The following EYS variants were observed in gnomAD, a reference collection of about 807,000 sequenced individuals.
The protein encoded by EYS is protein eyes shut homolog.
EYS carries 250 observed loss-of-function variants against 282.1 expected under a neutral mutation model. The ratio of observed to expected loss-of-function variants is 0.89; its 90% CI spans 0.80 to 0.98. The LOEUF (loss-of-function observed/expected upper bound fraction) is 0.98. Among genes scored for constraint, EYS ranks in the 50% least tolerant of loss-of-function variants. The pLI is 0.00. For missense variants in EYS, 4,016 were observed against 3,709.0 expected (o/e 1.08, Z -2.15); for synonymous variants, 1,355 against 1,282.9 (o/e 1.06, Z -1.20).
At chr6:64,649,958 A>G (rs982463313) in intron 22 of EYS, among the ~76,000 whole-genome samples, 2 of 152,124 alleles carry the variant, frequency 1.3e-5, no homozygotes, top group African/African-American at 4.8e-5. Flanking sequence ...GCCTCAAAGA[A>G]ATTTTAATAA....
In EYS at chr6:64,948,481, A is replaced by C. The variant is rs1469134076; in HGVS notation, c.2260-2567T>G. Among the ~76,000 whole-genome samples, 4 of 147,000 alleles carry C rather than the reference A, an allele frequency of 2.7e-5. No homozygotes were observed. In the East Asian group the frequency reaches 7.8e-4, roughly 29 times the overall value. On this transcript the variant is annotated intron_variant, in intron 14 of 42. Transcript: ENST00000503581. ...TATTATTAAATATTAAATATTAATAACTATTAAATATTTTAATATTAATTA... is the reference window on the plus strand; with the variant it reads ...TATTATTAAATATTAAATATTAATACCTATTAAATATTTTAATATTAATTA...
At chr6:64,330,473 A>C (rs1770598855) in intron 29 of EYS, among the ~76,000 whole-genome samples, 1 of 152,220 alleles carries the variant, frequency 6.6e-6, no homozygotes, top group Non-Finnish European at 1.5e-5. Context: ...AAAGAAATCA[A>C]GAAGGCCTTG....
chr6:64,886,108 T>A (rs1767076631), intron 19 of EYS, among the ~76,000 whole-genome samples: 1 of 151,928 alleles, frequency 6.6e-6, no homozygotes, highest in Non-Finnish European at 1.5e-5. Context: ...AATACTAGTA[T>A]GCCAAAACTA....
chr6:64,129,145 C>G (rs537909766), intron 31 of EYS, among the ~76,000 whole-genome samples: 1 of 152,224 alleles, frequency 6.6e-6, no homozygotes, highest in South Asian at 2.1e-4. Context: ...GGTTGTATGG[C>G]CTATAATTTA....
rs916666877 is a variant in EYS at position 64,064,606 on chromosome 6, T to C, written c.6725+1732A>G. 3.3e-5 allele frequency among the ~76,000 whole-genome samples: 5 copies of C among 152,318 alleles called. 1 individual carries two copies. The South Asian group carries it at 1.0e-3, about 32-fold the overall frequency. On this transcript the variant is annotated intron_variant, in intron 33 of 42. Coordinates refer to ENST00000503581, the MANE Select transcript of EYS (RefSeq NM_001142800.2). Reference sequence around the variant, plus strand: ...CTTGGAAAGTCCTTTTCAGTTTTACTGGAAGCATCAATATTTATTTTACAG... The same window carrying C: ...CTTGGAAAGTCCTTTTCAGTTTTACCGGAAGCATCAATATTTATTTTACAG...
intron 35 of EYS, among the ~76,000 whole-genome samples, chr6:63,897,411 A>C (rs966397937): frequency 5.3e-5 from 8 of 152,180 alleles, no homozygotes; most frequent in Non-Finnish European, 8.8e-5. Flanking sequence ...GGATCCTTGT[A>C]AGGGAGAGAC....
chr6:65,602,607 C>T (rs1765650630), intron 2 of EYS, among the ~76,000 whole-genome samples: 1 of 151,748 alleles, frequency 6.6e-6, no homozygotes, highest in African/African-American at 2.4e-5. Flanking sequence ...AAATGCTGGC[C>T]TTTGTGGTAC....
At chr6:65,386,035 C>T (rs1345967279) in intron 7 of EYS, among the ~76,000 whole-genome samples, 1 of 151,896 alleles carries the variant, frequency 6.6e-6, no homozygotes. Context: ...CTTTGTGTTG[C>T]AGTTTCCAAA....
chr6:65,215,484 T>G (rs926886147), intron 12 of EYS, among the ~76,000 whole-genome samples: 2 of 152,140 alleles, frequency 1.3e-5, no homozygotes, highest in African/African-American at 4.8e-5. Flanking sequence ...AAGGAGCAAA[T>G]AAAATGGTTT....
At chr6:65,561,161 A>T (rs745496743) in intron 2 of EYS, among the ~76,000 whole-genome samples, 6 of 152,132 alleles carry the variant, frequency 3.9e-5, no homozygotes, top group Non-Finnish European at 7.4e-5. Context: ...CCCCAGTGGC[A>T]TTTATTTTTC....
intron 12 of EYS, among the ~76,000 whole-genome samples, chr6:65,213,517 G>A (rs1766227595): frequency 1.3e-5 from 2 of 152,032 alleles, no homozygotes; most frequent in South Asian, 4.2e-4. Context: ...TGACGGCTGG[G>A]CAATTCTCAC....
intron 2 of EYS, among the ~76,000 whole-genome samples, chr6:65,514,929 A>C (rs1475594053): frequency 5.3e-5 from 8 of 152,190 alleles, no homozygotes; most frequent in Non-Finnish European, 1.2e-4. Flanking sequence ...CAAAAGCCAA[A>C]ATTGACAAAT....
At chr6:64,999,750 C>T (rs1458950177) in intron 13 of EYS, among the ~76,000 whole-genome samples, 1 of 152,158 alleles carries the variant, frequency 6.6e-6, no homozygotes, top group Non-Finnish European at 1.5e-5. Context: ...GGCTGCACAT[C>T]AGGAGGAACG....
chr6:64,733,809 A>C (rs1000034248), intron 22 of EYS: 1 of 164,644 alleles, frequency 6.1e-6, no homozygotes, highest in Non-Finnish European at 1.3e-5. Context: ...GGTAGCCAGC[A>C]CGCTTATGGC....
At chr6:63,751,840 C>G (rs1345635835) in intron 41 of EYS, among the ~76,000 whole-genome samples, 2 of 152,216 alleles carry the variant, frequency 1.3e-5, no homozygotes, top group Non-Finnish European at 2.9e-5. Flanking sequence ...TAATGCTGAA[C>G]AACTCTACTT....
At chr6:64,112,988 T>G (rs2150267661) in intron 31 of EYS, among the ~76,000 whole-genome samples, 1 of 151,980 alleles carries the variant, frequency 6.6e-6, no homozygotes, top group Non-Finnish European at 1.5e-5. Context: ...CAATGTAGAG[T>G]TCTGTAATTA....
chr6:64,651,366 G>T (rs1211459037), intron 22 of EYS, among the ~76,000 whole-genome samples: 1 of 152,114 alleles, frequency 6.6e-6, no homozygotes, highest in African/African-American at 2.4e-5. Context: ...AATTATGTTT[G>T]TTTTTGTTTT....
intron 26 of EYS, among the ~76,000 whole-genome samples, chr6:64,509,342 C>T (rs1364811087): frequency 6.6e-6 from 1 of 152,092 alleles, no homozygotes; most frequent in Non-Finnish European, 1.5e-5. Context: ...TAGATGATCT[C>T]TTGATATGTA....
chr6:65,023,775 T>C (rs944804541), intron 13 of EYS, among the ~76,000 whole-genome samples: 1 of 152,206 alleles, frequency 6.6e-6, no homozygotes, highest in Admixed American at 6.5e-5. Context: ...GCACGTGTAG[T>C]GCAGGGCAAT....
Sources: gnomAD v4.1 joint callset for allele counts (sites outside exome capture counted in the v4.1 genomes callset) on GRCh38, gnomAD v4.1.1 for gene constraint, MANE v1.5 for transcripts, NCBI Gene and HGNC (gene_info 2026-07-23, HGNC 2026-07-21) for gene names.